The following TBCD variants were observed in gnomAD, a reference collection of about 807,000 sequenced individuals.
TBCD encodes tubulin-specific chaperone D.
Under a neutral mutation model 169.3 loss-of-function variants are expected in TBCD, and 105 were observed. The ratio of observed to expected loss-of-function variants is 0.62; its 90% CI spans 0.53 to 0.73. The LOEUF (loss-of-function observed/expected upper bound fraction) is 0.73. TBCD is among the 30% of genes least tolerant of loss of function. TBCD has a pLI of 0.00. For missense variants in TBCD, 1,444 were observed against 1,600.1 expected (o/e 0.90, Z 1.66); for synonymous variants, 700 against 643.9 (o/e 1.09, Z -1.32).
Position 82,893,560 on chromosome 17 carries a change from A to G in TBCD, c.1577A>G (p.His526Arg). The G allele has an allele frequency of 1.2e-6, 2 of 1,610,318 alleles. No individual in the cohort carries two copies. The highest frequency in any genetic ancestry group is 2.2e-5 in the East Asian group (1 of 44,862). Residue 526 changes from histidine to arginine, a missense_variant, in exon 17 of 39, where the codon CAT (histidine) becomes CGT (arginine). His to Arg is a conservative substitution (Grantham distance 29). Transcript: ENST00000355528. Reference protein sequence around the residue: ...ENVGRQGTFPHGIDILTTADY... With the variant: ...ENVGRQGTFPRGIDILTTADY... ...CTTTCTTATTAGGGCACTTTCCCTC[A>G]TGGTATTGATATTTTGACCACAGCT...
At chr17:82,846,353 C>A (rs938476395) in intron 13 of TBCD, among the ~76,000 whole-genome samples, 15 of 151,534 alleles carry the variant, frequency 9.9e-5, no homozygotes, top group African/African-American at 2.4e-4. Context: ...CTCTGCTGCC[C>A]CCTCCATGCG....
intron 13 of TBCD, among the ~76,000 whole-genome samples, chr17:82,841,289 A>G (rs1212278357): frequency 6.6e-6 from 1 of 150,696 alleles, no homozygotes; most frequent in African/African-American, 2.4e-5. Context: ...AAGATTTTAC[A>G]TGGCTTTGCG....
At position 82,752,089 on chromosome 17, in the gene TBCD, G is replaced by A. The variant is rs551997792; in HGVS notation, c.-105G>A. ...GGCCAGCGTCGGTTGCCGCCTTAGC[G>A]GGCGCCTCCTTTTCATCCCTCATCC... On this transcript the variant is annotated 5_prime_UTR_variant, in exon 1 of 39. Transcript: ENST00000355528. 1 of 1,270,420 alleles carries A rather than the reference G, an allele frequency of 7.9e-7. No individual in the cohort carries two copies. The highest frequency in any genetic ancestry group is 1.0e-6 in the Non-Finnish European group (1 of 978,712). 78.7% of individuals were successfully genotyped at this position (1,270,420 alleles called of 1,614,324 possible). A position where few individuals can be genotyped will look rare whatever the true frequency, so the allele number is the denominator to read the frequency against.
chr17:82,901,585 C>T (rs2146681144), intron 18 of TBCD, among the ~76,000 whole-genome samples: 1 of 148,802 alleles, frequency 6.7e-6, no homozygotes, highest in Non-Finnish European at 1.5e-5. Flanking sequence ...CTGCGGTGGT[C>T]CTGCTGCCTG....
intron 9 of TBCD, among the ~76,000 whole-genome samples, chr17:82,805,030 G>A (rs1350301659): frequency 1.3e-5 from 2 of 152,240 alleles, no homozygotes; most frequent in Non-Finnish European, 2.9e-5. Context: ...ACTCTCACTG[G>A]ACACCTTTTC....
chr17:82,880,221 C>G lies in TBCD; in HGVS notation c.1476-3924C>G, dbSNP rs1312493274. On this transcript the variant is annotated intron_variant, in intron 14 of 38. Coordinates refer to ENST00000355528, the MANE Select transcript of TBCD (RefSeq NM_005993.5). This position sits in a 1 kb window ranked among gnomAD's most constrained non-coding sequence, Gnocchi z 5.0. ...TCTAGATGGGGTCTCGCTGTGTTGC[C>G]CAGACTGTACTCAAATTCCTGGGCT... Among the ~76,000 whole-genome samples, 1 of 152,076 alleles carries G rather than the reference C, an allele frequency of 6.6e-6. No homozygotes were observed. Among genetic ancestry groups the G allele is most frequent in the Non-Finnish European group, 1.5e-5 (1 of 68,016 alleles).
At chr17:82,937,215 T>C in intron 34 of TBCD, 56 bp from the exon 35 acceptor site, 3 of 1,522,842 alleles carry the variant, frequency 2.0e-6, no homozygotes, top group Non-Finnish European at 2.7e-6. Flanking sequence ...AGAAAAAGTG[T>C]GCATCCCGGG....
chr17:82,779,529 C>T (rs987668752), intron 6 of TBCD, among the ~76,000 whole-genome samples: 1 of 152,206 alleles, frequency 6.6e-6, no homozygotes, highest in African/African-American at 2.4e-5. Flanking sequence ...GAGGTCCTTG[C>T]TGTTACGAGC....
chr17:82,829,565 C>G (rs997965114), intron 13 of TBCD: 5 of 155,116 alleles, frequency 3.2e-5, no homozygotes, highest in Admixed American at 2.5e-4. Flanking sequence ...CCAGAACATT[C>G]ACTGTAACAT....
chr17:82,761,672 A>C (rs2047761938), intron 2 of TBCD, among the ~76,000 whole-genome samples: 2 of 151,726 alleles, frequency 1.3e-5, no homozygotes, highest in Admixed American at 1.3e-4. Context: ...TGTGTGTATC[A>C]GTAGTTTGTA....
At chr17:82,924,395 C>T (rs1239172896) in intron 26 of TBCD, among the ~76,000 whole-genome samples, 5 of 152,176 alleles carry the variant, frequency 3.3e-5, no homozygotes, top group Non-Finnish European at 5.9e-5. Flanking sequence ...GCTGCTGTGC[C>T]GCCTCACTGT....
At chr17:82,800,464 C>A (rs892159047) in intron 8 of TBCD, among the ~76,000 whole-genome samples, 26 of 151,780 alleles carry the variant, frequency 1.7e-4, no homozygotes, top group African/African-American at 6.0e-4. Context: ...TCTGGGGTTG[C>A]TGCAGTGTGC....
At chr17:82,917,034 T>G (rs1210047985) in intron 23 of TBCD, among the ~76,000 whole-genome samples, 1 of 141,634 alleles carries the variant, frequency 7.1e-6, no homozygotes, top group African/African-American at 2.6e-5. Flanking sequence ...CTTTTTTTTT[T>G]TTTTGAGTTG....
intron 13 of TBCD, among the ~76,000 whole-genome samples, chr17:82,844,948 G>A (rs868629213): frequency 3.3e-5 from 5 of 152,094 alleles, no homozygotes; most frequent in Admixed American, 2.0e-4. Context: ...GAACATGGCC[G>A]AGGTACCCAG....
intron 13 of TBCD, chr17:82,829,824 T>G: frequency 5.9e-6 from 2 of 338,126 alleles, no homozygotes. Flanking sequence ...AAACAATTTG[T>G]TGTAATGGTG....
chr17:82,788,578 A>G (rs1013207852), intron 7 of TBCD, among the ~76,000 whole-genome samples: 1 of 152,226 alleles, frequency 6.6e-6, no homozygotes, highest in South Asian at 2.1e-4. Context: ...CACACACAAC[A>G]GCATTAAAAA....
chr17:82,938,741 G>C (rs113222446), intron 36 of TBCD, among the ~76,000 whole-genome samples: 3,354 of 146,126 alleles, frequency 0.023, 149 homozygotes, highest in African/African-American at 0.08. Context: ...CACTCAAAAA[G>C]AGAGCAGGCG....
chr17:82,922,205 A>G lies in TBCD; in HGVS notation c.2178+628A>G, dbSNP rs1364808495. 3.3e-5 allele frequency among the ~76,000 whole-genome samples: 5 copies of G among 152,338 alleles called. No homozygotes were observed. In the East Asian group the frequency reaches 9.6e-4, roughly 29 times the overall value. ...GTGAAACCCCATCTCTACTAAAAAT[A>G]CAAAAATTAGCGGGGCGAGGTGGCG... On this transcript the variant is annotated intron_variant, in intron 25 of 38. Transcript: ENST00000355528. The surrounding 1 kb of genome is among the most constrained non-coding windows in gnomAD (Gnocchi z 4.1).
At chr17:82,823,607 C>T (rs1422042888) in intron 13 of TBCD, among the ~76,000 whole-genome samples, 1 of 152,014 alleles carries the variant, frequency 6.6e-6, no homozygotes, top group African/African-American at 2.4e-5. Flanking sequence ...CAGTGGGCCC[C>T]CGTTAAGACT....
Sources: gnomAD v4.1 joint callset for allele counts (sites outside exome capture counted in the v4.1 genomes callset) on GRCh38, gnomAD v4.1.1 for gene constraint, Gnocchi (gnomAD v3.1) non-coding constraint, MANE v1.5 for transcripts, NCBI Gene and HGNC (gene_info 2026-07-23, HGNC 2026-07-21) for gene names.